The following SEMA3G variants were observed in gnomAD, a reference collection of about 807,000 sequenced individuals.
The protein encoded by SEMA3G is semaphorin 3G, also known as semaphorin-3G.
A neutral mutation model predicts 86.2 loss-of-function variants in SEMA3G; 70 were observed. The ratio of observed to expected loss-of-function variants is 0.81; its 90% confidence interval spans 0.67 to 0.99. The LOEUF is 0.99. SEMA3G is among the 50% of genes least tolerant of loss of function. The probability of loss-of-function intolerance (pLI) is 0.00; values close to 1 mark genes in which losing one functional copy is unlikely to be tolerated. For synonymous variants in SEMA3G, 416 were observed against 441.4 expected, an observed-to-expected ratio of 0.94 and a Z score of 0.72; for missense variants, 1,002 against 1,072.4, an observed-to-expected ratio of 0.93 and a Z score of 0.92.
At chr3:52,438,571 C>T (rs561465406) in intron 13 of SEMA3G, 1 of 985,378 alleles carries the variant, frequency 1.0e-6, no homozygotes, top group Non-Finnish European at 1.2e-6. Flanking sequence ...CAAAGATACA[C>T]TGGAGCAGAT....
At chr3:52,439,644 G>A (rs756560306) in intron 12 of SEMA3G, 36 bp downstream of exon 12, 46 of 1,561,022 alleles carry the variant, frequency 2.9e-5, no homozygotes, top group South Asian at 2.3e-4. Flanking sequence ...CCAGAGATGG[G>A]GCTTGGAGGG....
rs528347762 is a variant in SEMA3G at position 52,440,733 on chromosome 3, C to T, written c.998+21G>A. ...CAAAGACAGGGGCCCATCGCAAGGC[C>T]GGGGTGCTGGGTGTGCCCACCTGAC... On this transcript the variant is annotated intron_variant, in intron 9 of 15. Coordinates refer to ENST00000231721, the MANE Select transcript of SEMA3G (RefSeq NM_020163.3). The T allele has an allele frequency of 1.9e-5, 31 of 1,604,834 alleles. No individual in the cohort carries two copies. The South Asian group carries it at 2.1e-4, about 11-fold the overall frequency.
Position 52,441,696 on chromosome 3 carries a change from G to A in SEMA3G, c.551-6C>T. 1 of 1,611,882 alleles carries A rather than the reference G, an allele frequency of 6.2e-7. No homozygotes were observed. Among genetic ancestry groups the A allele is most frequent in the Non-Finnish European group, 8.5e-7 (1 of 1,178,384 alleles). On this transcript the variant is annotated splice_polypyrimidine_tract_variant and splice_region_variant and intron_variant, in intron 5 of 15. Coordinates refer to ENST00000231721, the MANE Select transcript of SEMA3G (RefSeq NM_020163.3). ...ACCCGTGTACAGCTCCCCGTCTGGG[G>A]TGGGGGTTGGGGAACAGAGTCAGGG...
Position 52,440,782 on chromosome 3 carries a change from C to G in SEMA3G, c.970G>C (p.Glu324Gln), listed in dbSNP as rs754448884. The G allele has an allele frequency of 1.9e-6, 3 of 1,613,116 alleles. No homozygotes were observed. In the Admixed American group the frequency reaches 5.0e-5, roughly 27 times the overall value. ...ACGGTGCTGAACAGCGCGTACACCT[C>G]GAGGCTCTTCCCGGCCTTGGGCCAC... ...LLWPKAGKSL[E>Q]VYALFSTVSA... The change falls in exon 9 of 16, where the codon GAG (glutamate) becomes CAG (glutamine). Residue 324 changes from glutamate to glutamine, a missense_variant. Coordinates refer to ENST00000231721, the MANE Select transcript of SEMA3G (RefSeq NM_020163.3).
intron 1 of SEMA3G, among the ~76,000 whole-genome samples, chr3:52,444,696 GCACACAAACTC>G: frequency 7.9e-6 from 1 of 126,606 alleles, no homozygotes; most frequent in East Asian, 2.4e-4. Flanking sequence ...CTCGGCACAC[GCACACAAACTC>G]GGCACACGCA....
chr3:52,444,516 A>G (rs1706222561), intron 1 of SEMA3G, among the ~76,000 whole-genome samples: 2 of 149,448 alleles, frequency 1.3e-5, no homozygotes, highest in Non-Finnish European at 3.0e-5. Context: ...ACACGCACAC[A>G]AACTCGGCAC....
At chr3:52,444,817 G>T in intron 1 of SEMA3G, 96 bp downstream of exon 1, 1 of 754,280 alleles carries the variant, frequency 1.3e-6, no homozygotes. Context: ...CACCCAAACA[G>T]GGCACATGCA....
Position 52,442,987 on chromosome 3 carries a change from G to C in SEMA3G, c.116-80C>G. On this transcript the variant is annotated intron_variant, in intron 1 of 15. Coordinates refer to ENST00000231721, the MANE Select transcript of SEMA3G (RefSeq NM_020163.3). This position sits in a 1 kb window ranked among gnomAD's most constrained non-coding sequence, Gnocchi z 6.1. ...GCCAAGGAGTGGAGGTGGAGGCCCC[G>C]GCTGAGCATCCACCCCTGACACACT... 1 of 1,548,822 alleles carries C rather than the reference G, an allele frequency of 6.5e-7. No individual in the cohort carries two copies. Among genetic ancestry groups the C allele is most frequent in the Non-Finnish European group, 8.7e-7 (1 of 1,146,982 alleles).
Position 52,435,580 on chromosome 3 carries a change from G to T in SEMA3G, c.*23C>A. 6.3e-7 allele frequency: 1 copy of T among 1,591,452 alleles called. No homozygotes were observed. On this transcript the variant is annotated 3_prime_UTR_variant, in exon 16 of 16. Coordinates refer to ENST00000231721, the MANE Select transcript of SEMA3G (RefSeq NM_020163.3). Reference sequence around the variant, plus strand: ...GCTAGTGGGCCCCCCAGCCCATCCTGACCACCCCTCCTCTGCCCCCTTCTA... The same window carrying T: ...GCTAGTGGGCCCCCCAGCCCATCCTTACCACCCCTCCTCTGCCCCCTTCTA...
At chr3:52,438,775 T>G in intron 13 of SEMA3G, 145 bp downstream of exon 13, 1 of 1,487,190 alleles carries the variant, frequency 6.7e-7, no homozygotes. Flanking sequence ...TGGCCACTTG[T>G]TGCAGGGGCG....
At chr3:52,441,476 T>G in intron 6 of SEMA3G, 67 bp from the exon 7 acceptor site, 1 of 1,594,382 alleles carries the variant, frequency 6.3e-7, no homozygotes, top group Non-Finnish European at 8.6e-7. Context: ...TAGAACCCAG[T>G]GGGGAGAGGA....
chr3:52,438,754 C>T, intron 13 of SEMA3G, 166 bp downstream of exon 13: 2 of 985,484 alleles, frequency 2.0e-6, no homozygotes, highest in Non-Finnish European at 2.4e-6. Context: ...CTCGGTGCCT[C>T]CAGTGCCCAC....
rs375682652 is a variant in SEMA3G, at chr3:52,442,529, C to T, written c.339+30G>A. The T allele has an allele frequency of 2.2e-5, 35 of 1,612,508 alleles. No homozygotes were observed. Among genetic ancestry groups the T allele is most frequent in the South Asian group, 7.7e-5 (7 of 91,024 alleles). On this transcript the variant is annotated intron_variant, in intron 3 of 15. Transcript: ENST00000231721. This position sits in a 1 kb window ranked among gnomAD's most constrained non-coding sequence, Gnocchi z 6.1. Reference sequence around the variant, plus strand: ...TGGGGGTCAGGGCAGGGTGTCAGGTCGGGGGACCATCCCTCCCGACAGCAC... The same window carrying T: ...TGGGGGTCAGGGCAGGGTGTCAGGTTGGGGGACCATCCCTCCCGACAGCAC...
intron 8 of SEMA3G, 33 bp from the exon 9 acceptor site, chr3:52,440,856 C>T (rs1706139280): frequency 6.2e-7 from 1 of 1,605,440 alleles, no homozygotes; most frequent in East Asian, 2.2e-5. Context: ...AGTGTCATGG[C>T]CACCGCCAAT....
At position 52,442,222 on chromosome 3, in the gene SEMA3G, G is replaced by A. The variant is rs1452478538; in HGVS notation, c.422C>T (p.Pro141Leu). The A allele has an allele frequency of 6.2e-7, 1 of 1,613,894 alleles. No homozygotes were observed. The highest frequency in any genetic ancestry group is 1.7e-5 in the Admixed American group (1 of 60,020). ...LLACGTGAFQ[P>L]TCALITVGHR... is the part of the protein sequence containing the mutation. ...GCCAACTGTGATGAGGGCACAGGTGGGCTGGAAGGCCCCAGTGCCACAGGC... is the reference window on the plus strand; with the variant it reads ...GCCAACTGTGATGAGGGCACAGGTGAGCTGGAAGGCCCCAGTGCCACAGGC... The change falls in exon 4 of 16, where the codon CCC becomes CTC. Residue 141 changes from proline to leucine, a missense_variant. By Grantham distance (98) the Pro-to-Leu change is moderately conservative. Coordinates refer to ENST00000231721, the MANE Select transcript of SEMA3G (RefSeq NM_020163.3). This position sits in a 1 kb window ranked among gnomAD's most constrained non-coding sequence, Gnocchi z 6.1.
At position 52,440,112 on chromosome 3, in the gene SEMA3G, G is replaced by A. The variant is rs1160846476; in HGVS notation, c.1144-14C>T. ...CTTGCTGGGGCACTGTGGGCAGCAGGGAAGGGAGTGCCTGAAGTATCCTGA... is the reference window on the plus strand; with the variant it reads ...CTTGCTGGGGCACTGTGGGCAGCAGAGAAGGGAGTGCCTGAAGTATCCTGA... On this transcript the variant is annotated splice_polypyrimidine_tract_variant and intron_variant, in intron 10 of 15. Coordinates refer to ENST00000231721, the MANE Select transcript of SEMA3G (RefSeq NM_020163.3). 1 of 1,553,918 alleles carries A rather than the reference G, an allele frequency of 6.4e-7. No homozygotes were observed. Among genetic ancestry groups the A allele is most frequent in the East Asian group, 2.3e-5 (1 of 44,120 alleles).
At position 52,440,743 on chromosome 3, in the gene SEMA3G, G is replaced by A. The variant is rs1706136403; in HGVS notation, c.998+11C>T. The A allele has an allele frequency of 6.2e-7, 1 of 1,609,620 alleles. No homozygotes were observed. The highest frequency in any genetic ancestry group is 1.7e-5 in the Admixed American group (1 of 59,734). On this transcript the variant is annotated intron_variant, in intron 9 of 15. Transcript: ENST00000231721. The stretch of plus-strand genomic sequence containing the variant: ...GGCCCATCGCAAGGCCGGGGTGCTG[G>A]GTGTGCCCACCTGACGGTGCTGAAC...
In SEMA3G at chr3:52,442,711, C is replaced by T. The variant is rs780415492; in HGVS notation, c.276+36G>A. ...GCCTCCCATCTGGAGGTGCCCAGTT[C>T]TCAAACAGACCCTCTTCCCTGCCAG... On this transcript the variant is annotated intron_variant, in intron 2 of 15. Coordinates refer to ENST00000231721, the MANE Select transcript of SEMA3G (RefSeq NM_020163.3). The surrounding 1 kb of genome is among the most constrained non-coding windows in gnomAD (Gnocchi z 6.1). The T allele has an allele frequency of 1.2e-6, 2 of 1,613,620 alleles. No homozygotes were observed.
In SEMA3G at chr3:52,437,608, G is replaced by C. The variant is rs893915863; in HGVS notation, c.1797C>G (p.Thr599=). 6.2e-7 allele frequency: 1 copy of C among 1,613,190 alleles called. No homozygotes were observed. Among genetic ancestry groups the C allele is most frequent in the Non-Finnish European group, 8.5e-7 (1 of 1,179,964 alleles). Residue 599 remains threonine, a synonymous_variant, in exon 15 of 16, where the codon ACC becomes ACG. Transcript: ENST00000231721. ...GAGACTTGGGCAGGCACTCCAGGAA[G>C]GTGCTATTGTGCTCCGTGCCGTAGA... The part of the protein sequence containing the change: ...TMVYGTEHNS[T]FLECLPKSPQ...
Sources: gnomAD v4.1 joint callset for allele counts (sites outside exome capture counted in the v4.1 genomes callset) on GRCh38, gnomAD v4.1.1 for gene constraint, Gnocchi (gnomAD v3.1) non-coding constraint, MANE v1.5 for transcripts, NCBI Gene and HGNC (gene_info 2026-07-23, HGNC 2026-07-21) for gene names.